GNB5: variants seen among roughly 807,000 people sequenced by gnomAD.
GNB5 encodes guanine nucleotide-binding protein subunit beta-5.
In GNB5, 37 loss-of-function variants were observed where a neutral mutation model predicts 55.3. The ratio of observed to expected loss-of-function variants is 0.67; its 90% CI spans 0.51 to 0.88. The LOEUF (loss-of-function observed/expected upper bound fraction) is 0.88, where lower values mean the gene tolerates loss of function less well. Among genes scored for constraint, GNB5 ranks in the 40% least tolerant of loss-of-function variants. The pLI, the probability that GNB5 is intolerant of heterozygous loss-of-function variation, is 0.00. For missense variants in GNB5, 476 were observed against 515.3 expected, an observed-to-expected ratio of 0.92 and a Z score of 0.74; for synonymous variants, 219 against 198.5, an observed-to-expected ratio of 1.10 and a Z score of -0.87.
chr15:52,128,839 T>C, intron 9 of GNB5: 1 of 429,372 alleles, frequency 2.3e-6, no homozygotes, highest in Non-Finnish European at 4.7e-6. Context: ...TCTCAATGAT[T>C]AGTGAGAAAT....
At position 52,117,102 on chromosome 15, in the gene GNB5, A is replaced by ATATTTTTTTTTTTTTTTTTTTTTT; in HGVS notation, c.*5654_*5655insAAAAAAAAAAAAAAAAAAAAAATA. ...CCACGCCCAGCTAATATATATATAT[A>ATATTTTTTTTTTTTTTTTTTTTTT]TTTTTTTTTAGTACAGACAGGGTTT... On this transcript the variant is annotated 3_prime_UTR_variant, in exon 13 of 13. Transcript: ENST00000261837. The ATATTTTTTTTTTTTTTTTTTTTTT allele has an allele frequency of 3.4e-5, 3 of 87,102 alleles. No homozygotes were observed. Among genetic ancestry groups the ATATTTTTTTTTTTTTTTTTTTTTT allele is most frequent in the African/African-American group, 6.1e-5 (1 of 16,420 alleles). The allele number at this position is 87,102 out of a possible 1,614,324, so 5.4% of individuals were successfully genotyped here. A position where few individuals can be genotyped will look rare whatever the true frequency, so the allele number is the denominator to read the frequency against.
chr15:52,138,993 A>C (rs2033789970), intron 7 of GNB5: 1 of 152,182 alleles, frequency 6.6e-6, no homozygotes, highest in African/African-American at 2.4e-5. Context: ...AATGCAGAGA[A>C]TTTGTAAGTT....
chr15:52,126,149 A>T, intron 10 of GNB5, 105 bp from the exon 11 acceptor site: 1 of 626,062 alleles, frequency 1.6e-6, no homozygotes, highest in Admixed American at 2.8e-5. Context: ...AGTTTAAAAG[A>T]TGAAGGAAAA....
Position 52,131,237 on chromosome 15 carries a change from G to A in GNB5, c.863+2141C>T, listed in dbSNP as rs1232123834. Among the ~76,000 whole-genome samples the A allele has an allele frequency of 2.0e-5, 3 of 152,250 alleles. No homozygotes were observed. In the East Asian group the frequency reaches 5.8e-4, roughly 29 times the overall value. ...ATTCTAAAAAAGAAAAAGGAATGTT[G>A]CATCTGTACTGAACCTTTTTTCTTG... is the stretch of plus-strand genomic sequence containing the variant. On this transcript the variant is annotated intron_variant, in intron 9 of 12. Coordinates refer to ENST00000261837, the MANE Select transcript of GNB5 (RefSeq NM_016194.4).
intron 3 of GNB5, among the ~76,000 whole-genome samples, chr15:52,173,254 A>G (rs1304188006): frequency 6.6e-6 from 1 of 152,180 alleles, no homozygotes; most frequent in Non-Finnish European, 1.5e-5. Flanking sequence ...AGACATGGCC[A>G]TTTTAGATTA....
chr15:52,180,263 C>G lies in GNB5; in HGVS notation c.127-384G>C, dbSNP rs556137433. ...CCGCTTCTGGGGAGACCGGTGAGGC[C>G]CCCGCGACATGGCCCTCCCATCCCC... On this transcript the variant is annotated intron_variant, in intron 2 of 12. Coordinates refer to ENST00000261837, the MANE Select transcript of GNB5 (RefSeq NM_016194.4). The G allele has an allele frequency of 8.0e-3, 1,256 of 156,672 alleles. 7 individuals are homozygous for G. Among genetic ancestry groups the G allele is most frequent in the Non-Finnish European group, 0.012 (839 of 71,306 alleles). The allele number at this position is 156,672 out of a possible 1,614,324, so 9.7% of individuals were successfully genotyped here. A position where few individuals can be genotyped will look rare whatever the true frequency, so the allele number is the denominator to read the frequency against.
Position 52,140,866 on chromosome 15 carries a change from C to T in GNB5, c.627+274G>A, listed in dbSNP as rs139767569. On this transcript the variant is annotated intron_variant, in intron 7 of 12. Coordinates refer to ENST00000261837, the MANE Select transcript of GNB5 (RefSeq NM_016194.4). ...GTAACTGCCTGCACCCCAGGGGGTT[C>T]CCTGCTCCACTCCCACCCTCGCCAA... Among the ~76,000 whole-genome samples, 1,383 of 152,290 alleles carry T rather than the reference C, an allele frequency of 9.1e-3. 86 individuals are homozygous for T. The highest frequency in any genetic ancestry group is 0.082 in the Admixed American group (1,247 of 15,290).
intron 2 of GNB5, among the ~76,000 whole-genome samples, chr15:52,181,921 AATAAAT>A (rs1453216347): frequency 6.6e-6 from 1 of 151,908 alleles, no homozygotes; most frequent in East Asian, 1.9e-4. Context: ...TTTATAAATG[AATAAAT>A]ATATAAATAC....
At chr15:52,174,800 G>A (rs887500204) in intron 3 of GNB5, among the ~76,000 whole-genome samples, 1 of 152,166 alleles carries the variant, frequency 6.6e-6, no homozygotes, top group African/African-American at 2.4e-5. Flanking sequence ...CCTAGGGTCT[G>A]GCTAGGCACG....
chr15:52,178,082 C>T (rs2034687984), intron 3 of GNB5, among the ~76,000 whole-genome samples: 1 of 152,210 alleles, frequency 6.6e-6, no homozygotes, highest in Admixed American at 6.5e-5. Flanking sequence ...GGCATGCAGC[C>T]TGCACTATTG....
At chr15:52,157,712 C>T in intron 3 of GNB5, among the ~76,000 whole-genome samples, 1 of 152,010 alleles carries the variant, frequency 6.6e-6, no homozygotes, top group Admixed American at 6.5e-5. Flanking sequence ...ATGATTCACC[C>T]AACCAAAATA....
At chr15:52,168,649 C>T (rs1397860021) in intron 3 of GNB5, among the ~76,000 whole-genome samples, 2 of 152,116 alleles carry the variant, frequency 1.3e-5, no homozygotes, top group Non-Finnish European at 2.9e-5. Flanking sequence ...CAAAAGAGAG[C>T]CCATATAGCC....
chr15:52,129,844 T>C (rs971326996), intron 9 of GNB5, among the ~76,000 whole-genome samples: 1 of 152,208 alleles, frequency 6.6e-6, no homozygotes, highest in African/African-American at 2.4e-5. Context: ...ACATGGAACA[T>C]TCCCTTACAA....
In GNB5 at chr15:52,120,322, T is replaced by C. The variant is rs2033233908; in HGVS notation, c.*2435A>G. 1 of 152,248 alleles carries C rather than the reference T, an allele frequency of 6.6e-6. No individual in the cohort carries two copies. Among genetic ancestry groups the C allele is most frequent in the Non-Finnish European group, 1.5e-5 (1 of 68,050 alleles). The allele number at this position is 152,248 out of a possible 1,614,324, so 9.4% of individuals were successfully genotyped here. A position where few individuals can be genotyped will look rare whatever the true frequency, so the allele number is the denominator to read the frequency against. ...CTTACCCCTGAGTCTCCACATGCTG[T>C]CACATAGTCCAAATCAAGTATCTCA... On this transcript the variant is annotated 3_prime_UTR_variant, in exon 13 of 13. Coordinates refer to ENST00000261837, the MANE Select transcript of GNB5 (RefSeq NM_016194.4).
At position 52,121,229 on chromosome 15, in the gene GNB5, G is replaced by A. The variant is rs1388401846; in HGVS notation, c.*1528C>T. The A allele has an allele frequency of 2.0e-5, 3 of 152,322 alleles. No homozygotes were observed. The highest frequency in any genetic ancestry group is 7.2e-5 in the African/African-American group (3 of 41,454). 9.4% of individuals were successfully genotyped at this position (152,322 alleles called of 1,614,324 possible). On this transcript the variant is annotated 3_prime_UTR_variant, in exon 13 of 13. Transcript: ENST00000261837. The stretch of plus-strand genomic sequence containing the variant: ...GCCAGGAAAGGAGACCTGTCCAGGG[G>A]ACAAGGTGCACGCAGCCTTCAGGTG...
At chr15:52,170,287 C>G (rs1430378429) in intron 3 of GNB5, among the ~76,000 whole-genome samples, 1 of 152,098 alleles carries the variant, frequency 6.6e-6, no homozygotes, top group African/African-American at 2.4e-5. Context: ...GCACTATTTA[C>G]AATATCAAAG....
intron 8 of GNB5, among the ~76,000 whole-genome samples, chr15:52,133,781 C>A (rs1034830404): frequency 2.6e-5 from 4 of 152,248 alleles, no homozygotes; most frequent in Admixed American, 6.5e-5. Flanking sequence ...CCCTTCCTTT[C>A]ATTTTTCCTT....
At chr15:52,165,260 G>A (rs2141226892) in intron 3 of GNB5, among the ~76,000 whole-genome samples, 1 of 152,298 alleles carries the variant, frequency 6.6e-6, no homozygotes, top group Admixed American at 6.5e-5. Flanking sequence ...AAGATATGGG[G>A]AGAATGGAAC....
intron 1 of GNB5, among the ~76,000 whole-genome samples, chr15:52,188,866 A>G (rs1363407250): frequency 6.6e-6 from 1 of 152,218 alleles, no homozygotes; most frequent in Non-Finnish European, 1.5e-5. Flanking sequence ...CTGCATTTTC[A>G]CTGCCCTTAG....
Sources: allele counts gnomAD v4.1 joint callset (sites outside exome capture counted in the v4.1 genomes callset), GRCh38; gene constraint gnomAD v4.1.1; transcripts MANE v1.5; gene names NCBI Gene and HGNC (gene_info 2026-07-23, HGNC 2026-07-21).